Variants in HOMER2 observed in about 807,000 individuals in gnomAD.
The protein encoded by HOMER2 is homer scaffold protein 2, also known as homer protein homolog 2.
In HOMER2, 27 loss-of-function variants were observed where a neutral mutation model predicts 47.0. The ratio of observed to expected loss-of-function variants is 0.57; its 90% CI spans 0.42 to 0.79. The LOEUF (loss-of-function observed/expected upper bound fraction) is 0.79. Ranked by LOEUF, HOMER2 falls within the 30% of genes least tolerant of loss-of-function variation. The probability of loss-of-function intolerance (pLI) is 0.00; values close to 1 mark genes in which losing one functional copy is unlikely to be tolerated. For missense variants in HOMER2, 443 were observed against 435.0 expected (o/e 1.02, Z -0.16); for synonymous variants, 161 against 163.8 (o/e 0.98, Z 0.13).
At chr15:82,915,504 T>C (rs1336071951) in intron 1 of HOMER2, among the ~76,000 whole-genome samples, 4 of 150,282 alleles carry the variant, frequency 2.7e-5, no homozygotes, top group South Asian at 4.2e-4. Flanking sequence ...AGCCTAGGAG[T>C]TGAAGACCAA....
chr15:82,854,744 G>A lies in HOMER2; in HGVS notation c.551C>T (p.Ala184Val). Reference protein sequence around the residue: ...IELQTLRESNARLTTALQESA... With the variant: ...IELQTLRESNVRLTTALQESA... The stretch of plus-strand genomic sequence containing the variant: ...CTCCTGCAGTGCTGTGGTCAGCCGT[G>A]CATTGCTCTCCCGAAGGGTCTGCAG... The change falls in exon 6 of 9, where the codon GCA (alanine) becomes GTA (valine). Residue 184 changes from alanine to valine, a missense_variant. By Grantham distance (64) the Ala-to-Val change is moderately conservative. Transcript: ENST00000450735. 6.2e-7 allele frequency: 1 copy of A among 1,612,278 alleles called. No individual in the cohort carries two copies. Among genetic ancestry groups the A allele is most frequent in the African/African-American group, 1.3e-5 (1 of 75,056 alleles).
chr15:82,848,358 C>A (rs376790422), downstream of HOMER2, among the ~76,000 whole-genome samples: 123 of 152,266 alleles, frequency 8.1e-4, no homozygotes, highest in African/African-American at 2.9e-3. Context: ...GCACCAAAGC[C>A]TCCCCCCTGC....
chr15:82,927,395 A>G (rs1456699919), intron 1 of HOMER2, among the ~76,000 whole-genome samples: 4 of 152,224 alleles, frequency 2.6e-5, no homozygotes, highest in African/African-American at 9.6e-5. Context: ...TGAGTGAATT[A>G]TAATTGAGGA....
intron 1 of HOMER2, among the ~76,000 whole-genome samples, chr15:82,961,402 A>G (rs2054629240): frequency 6.6e-6 from 1 of 152,242 alleles, no homozygotes. Context: ...TTTCAATTAC[A>G]TATGACTTAT....
chr15:82,976,131 T>G (rs1441510992), intron 1 of HOMER2, among the ~76,000 whole-genome samples: 1 of 152,146 alleles, frequency 6.6e-6, no homozygotes, highest in Non-Finnish European at 1.5e-5. Flanking sequence ...GTGCACGCAC[T>G]CCGTGTATAT....
At chr15:82,972,277 C>T (rs1193364728) in intron 1 of HOMER2, among the ~76,000 whole-genome samples, 1 of 152,156 alleles carries the variant, frequency 6.6e-6, no homozygotes, top group Non-Finnish European at 1.5e-5. Context: ...AAATTTTGGC[C>T]TTAACCATCC....
chr15:82,923,028 C>A (rs2053771526), intron 1 of HOMER2, among the ~76,000 whole-genome samples: 1 of 152,170 alleles, frequency 6.6e-6, no homozygotes, highest in South Asian at 2.1e-4. Flanking sequence ...AGACTGGGTT[C>A]TCTCCCTGGA....
At position 82,853,418 on chromosome 15, in the gene HOMER2, C is replaced by T. The variant is rs12594197; in HGVS notation, c.652-1166G>A. On this transcript the variant is annotated intron_variant, in intron 6 of 8. Coordinates refer to ENST00000450735, the MANE Select transcript of HOMER2 (RefSeq NM_004839.4). ...GTCAGCAATTGGCCTGGTGCCCAACCGTCAGCACCAAGATGAAAAAATGAC... is the reference window on the plus strand; with the variant it reads ...GTCAGCAATTGGCCTGGTGCCCAACTGTCAGCACCAAGATGAAAAAATGAC... Among the ~76,000 whole-genome samples the T allele has an allele frequency of 4.7e-4, 71 of 152,308 alleles. No individual in the cohort carries two copies. The East Asian group carries it at 0.014, about 29-fold the overall frequency.
chr15:82,842,676 C>G (rs181631735), exon 2 of HOMER2: 9 of 151,752 alleles, frequency 5.9e-5, no homozygotes, highest in African/African-American at 2.2e-4. Flanking sequence ...AAAGCTATGG[C>G]GATCCAAACA....
At chr15:82,928,672 G>C (rs1199896226) in intron 1 of HOMER2, among the ~76,000 whole-genome samples, 4 of 151,836 alleles carry the variant, frequency 2.6e-5, no homozygotes, top group African/African-American at 9.7e-5. Flanking sequence ...CCAAGAAAAA[G>C]GGCATATAAA....
chr15:82,872,379 C>A (rs1486905827), intron 3 of HOMER2, among the ~76,000 whole-genome samples: 2 of 152,148 alleles, frequency 1.3e-5, no homozygotes, highest in African/African-American at 2.4e-5. Context: ...CTATTCACCC[C>A]AGTTTTGCCA....
chr15:82,962,175 C>CT (rs2054636131), intron 1 of HOMER2, among the ~76,000 whole-genome samples: 1 of 151,592 alleles, frequency 6.6e-6, no homozygotes, highest in South Asian at 2.1e-4. Flanking sequence ...TCGAGACCAT[C>CT]CTGGCTAACA....
At chr15:82,915,800 A>T (rs1805559388) in intron 1 of HOMER2, among the ~76,000 whole-genome samples, 1 of 152,262 alleles carries the variant, frequency 6.6e-6, no homozygotes, top group Non-Finnish European at 1.5e-5. Context: ...GTCACTGAAG[A>T]GCTGCTTATT....
intron 1 of HOMER2, among the ~76,000 whole-genome samples, chr15:82,933,892 C>G (rs1019905070): frequency 1.3e-5 from 2 of 152,180 alleles, no homozygotes; most frequent in African/African-American, 4.8e-5. Flanking sequence ...GGTGCCATCA[C>G]TCTACCTTGG....
chr15:82,926,586 G>C (rs555711776), intron 1 of HOMER2: 1 of 152,452 alleles, frequency 6.6e-6, no homozygotes, highest in East Asian at 1.9e-4. Context: ...TACTCAGGAG[G>C]CTGAGGCAGG....
intron 1 of HOMER2, among the ~76,000 whole-genome samples, chr15:82,921,553 C>T (rs2053729410): frequency 6.6e-6 from 1 of 152,218 alleles, no homozygotes; most frequent in South Asian, 2.1e-4. Context: ...CCAGTCTTGG[C>T]TCTGCCAGTG....
intron 3 of HOMER2, among the ~76,000 whole-genome samples, chr15:82,868,477 T>A (rs1330671832): frequency 7.2e-6 from 1 of 138,874 alleles, no homozygotes; most frequent in African/African-American, 2.6e-5. Flanking sequence ...AAATATATAT[T>A]TTTTAACTTT....
At chr15:82,836,838 G>A (rs180869177), downstream of HOMER2, 114 of 152,416 alleles carry the variant, frequency 7.5e-4, no homozygotes, top group African/African-American at 2.7e-3. Context: ...AACCCACGTA[G>A]TTGAGTGGAT....
chr15:82,871,696 G>C (rs1309098637), intron 3 of HOMER2, among the ~76,000 whole-genome samples: 1 of 152,176 alleles, frequency 6.6e-6, no homozygotes, highest in Non-Finnish European at 1.5e-5. Flanking sequence ...GGCTTGGCAG[G>C]ACGGTGCACT....
Sources: allele counts gnomAD v4.1 joint callset (sites outside exome capture counted in the v4.1 genomes callset), GRCh38; gene constraint gnomAD v4.1.1; transcripts MANE v1.5; gene names NCBI Gene and HGNC (gene_info 2026-07-23, HGNC 2026-07-21).